Variants in CTNNA2 observed in about 807,000 individuals in gnomAD.
The protein encoded by CTNNA2 is catenin alpha 2, also known as catenin alpha-2.
In CTNNA2, 42 loss-of-function variants were observed where a neutral mutation model predicts 101.0. The ratio of observed to expected loss-of-function variants is 0.42; its 90% CI spans 0.32 to 0.54. The LOEUF (loss-of-function observed/expected upper bound fraction) is 0.54. Ranked by LOEUF, CTNNA2 falls within the 20% of genes least tolerant of loss-of-function variation. CTNNA2 has a pLI of 0.14. For missense variants in CTNNA2, 871 were observed against 1,223.1 expected (o/e 0.71, Z 4.29); for synonymous variants, 450 against 456.4 (o/e 0.99, Z 0.18).
At chr2:79,448,888 G>T (rs1678860122) in intron 4 of CTNNA2, among the ~76,000 whole-genome samples, 1 of 152,038 alleles carries the variant, frequency 6.6e-6, no homozygotes, top group Non-Finnish European at 1.5e-5. Context: ...TTGTTGAAAT[G>T]GATCCATCAG....
At chr2:80,357,616 A>T (rs1673967726) in intron 7 of CTNNA2, among the ~76,000 whole-genome samples, 1 of 152,062 alleles carries the variant, frequency 6.6e-6, no homozygotes, top group African/African-American at 2.4e-5. Flanking sequence ...AAAAAGGAGG[A>T]TCTCGTCAGT....
intron 4 of CTNNA2, among the ~76,000 whole-genome samples, chr2:79,477,118 G>A (rs1293733103): frequency 1.3e-5 from 2 of 150,750 alleles, no homozygotes; most frequent in Admixed American, 6.6e-5. Flanking sequence ...ATAGAGATGA[G>A]TTCATTGCAT....
intron 7 of CTNNA2, among the ~76,000 whole-genome samples, chr2:80,079,073 G>T (rs1698949441): frequency 6.6e-6 from 1 of 152,122 alleles, no homozygotes; most frequent in Admixed American, 6.5e-5. Flanking sequence ...CTTAGTCTCT[G>T]CCCTGTGTCT....
At chr2:79,765,488 T>C (rs1050473608) in intron 3 of CTNNA2, among the ~76,000 whole-genome samples, 2 of 152,302 alleles carry the variant, frequency 1.3e-5, no homozygotes, top group East Asian at 3.9e-4. Flanking sequence ...TGTTAAAGTA[T>C]AAATTCTATA....
At chr2:79,776,669 G>A (rs1673988539) in intron 3 of CTNNA2, among the ~76,000 whole-genome samples, 1 of 152,122 alleles carries the variant, frequency 6.6e-6, no homozygotes, top group African/African-American at 2.4e-5. Context: ...CAAAAACAAT[G>A]AAACAATGGC....
intron 2 of CTNNA2, among the ~76,000 whole-genome samples, chr2:79,302,733 G>A (rs1054091621): frequency 2.6e-5 from 4 of 151,942 alleles, no homozygotes; most frequent in South Asian, 2.1e-4. Context: ...GTGTCTATTC[G>A]GCACCAGGCA....
intron 9 of CTNNA2, among the ~76,000 whole-genome samples, chr2:80,527,970 C>T (rs893069509): frequency 6.6e-6 from 1 of 152,142 alleles, no homozygotes; most frequent in Non-Finnish European, 1.5e-5. Context: ...TAATATTTCT[C>T]AGACATTTTC....
intron 7 of CTNNA2, among the ~76,000 whole-genome samples, chr2:80,186,377 C>G (rs1479351610): frequency 6.6e-6 from 1 of 152,176 alleles, no homozygotes; most frequent in African/African-American, 2.4e-5. Flanking sequence ...CCTTCTCAGA[C>G]AGATATCATG....
intron 8 of CTNNA2, among the ~76,000 whole-genome samples, chr2:80,419,126 TC>T (rs1443408369): frequency 6.6e-6 from 1 of 152,186 alleles, no homozygotes; most frequent in African/African-American, 2.4e-5. Context: ...CCTGAATTCT[TC>T]AACTGTGTCA....
At chr2:80,106,897 G>A (rs959273663) in intron 7 of CTNNA2, among the ~76,000 whole-genome samples, 1 of 152,118 alleles carries the variant, frequency 6.6e-6, no homozygotes, top group Non-Finnish European at 1.5e-5. Context: ...TTGTCCTTTG[G>A]GGGCCCTGGC....
chr2:80,545,904 T>C lies in CTNNA2; in HGVS notation c.1384-3T>C, dbSNP rs1196223440. 1 of 1,613,528 alleles carries C rather than the reference T, an allele frequency of 6.2e-7. No individual in the cohort carries two copies. The highest frequency in any genetic ancestry group is 2.2e-5 in the East Asian group (1 of 44,836). On this transcript the variant is annotated splice_polypyrimidine_tract_variant and splice_region_variant and intron_variant, in intron 10 of 18. Coordinates refer to ENST00000402739, the MANE Select transcript of CTNNA2 (RefSeq NM_001282597.3). ...ATGTCCCTGGATTGTTTCCAACAAA[T>C]AGGTCATCAATGCCGCTCTGACACT...
chr2:79,202,554 C>T (rs997553324), intron 2 of CTNNA2, among the ~76,000 whole-genome samples: 4 of 152,086 alleles, frequency 2.6e-5, no homozygotes, highest in Admixed American at 2.0e-4. Context: ...AACCTAACTC[C>T]GTTTCCCCTG....
chr2:80,546,467 G>C (rs1250041448), intron 11 of CTNNA2, among the ~76,000 whole-genome samples: 2 of 152,086 alleles, frequency 1.3e-5, no homozygotes, highest in African/African-American at 4.8e-5. Context: ...GTTTTGTTTT[G>C]TTTTGTTTTT....
At chr2:80,455,708 G>T (rs769352775) in intron 9 of CTNNA2, among the ~76,000 whole-genome samples, 6 of 152,120 alleles carry the variant, frequency 3.9e-5, no homozygotes, top group Non-Finnish European at 8.8e-5. Flanking sequence ...TGTGCTGTCC[G>T]TGCGACCTTT....
intron 7 of CTNNA2, among the ~76,000 whole-genome samples, chr2:80,287,770 T>C (rs1674899546): frequency 6.6e-6 from 1 of 152,132 alleles, no homozygotes; most frequent in Admixed American, 6.5e-5. Flanking sequence ...CATTTTTCAT[T>C]CCCTAGAGCC....
intron 18 of CTNNA2, among the ~76,000 whole-genome samples, chr2:80,620,123 C>A (rs1380904652): frequency 1.3e-5 from 2 of 151,726 alleles, no homozygotes; most frequent in African/African-American, 2.4e-5. Flanking sequence ...GATATCAAAG[C>A]ACTAGGGTGG....
intron 2 of CTNNA2, among the ~76,000 whole-genome samples, chr2:79,685,313 G>A (rs1683859161): frequency 6.6e-6 from 1 of 152,124 alleles, no homozygotes; most frequent in African/African-American, 2.4e-5. Flanking sequence ...TTATAGTCCA[G>A]TAATAGATAC....
At chr2:79,975,358 G>A (rs1369697998) in intron 7 of CTNNA2, among the ~76,000 whole-genome samples, 3 of 152,076 alleles carry the variant, frequency 2.0e-5, no homozygotes, top group African/African-American at 4.8e-5. Context: ...TCACAACACC[G>A]TCAACACAAA....
At chr2:80,605,887 G>A (rs1181775139) in intron 16 of CTNNA2, among the ~76,000 whole-genome samples, 1 of 151,908 alleles carries the variant, frequency 6.6e-6, no homozygotes, top group Non-Finnish European at 1.5e-5. Context: ...TAGGTGTTGA[G>A]TGTTAACCCA....
Sources: gnomAD v4.1 joint callset for allele counts (sites outside exome capture counted in the v4.1 genomes callset) on GRCh38, gnomAD v4.1.1 for gene constraint, MANE v1.5 for transcripts, NCBI Gene and HGNC (gene_info 2026-07-23, HGNC 2026-07-21) for gene names.